The following MACO1 variants were observed in gnomAD, a reference collection of about 807,000 sequenced individuals.
The protein encoded by MACO1 is macoilin.
MACO1 carries 14 observed loss-of-function variants against 78.7 expected under a neutral mutation model. The ratio of observed to expected loss-of-function variants is 0.18; its 90% CI spans 0.12 to 0.28. The LOEUF is 0.28. Ranked by LOEUF, MACO1 falls within the 10% of genes least tolerant of loss-of-function variation. The pLI is 1.00. For synonymous variants in MACO1, 288 were observed against 291.6 expected, an observed-to-expected ratio of 0.99 and a Z score of 0.12; for missense variants, 501 against 799.0, an observed-to-expected ratio of 0.63 and a Z score of 4.50.
At chr1:25,480,924 AAAAAAATATATATAT>A (rs1267987338) in intron 6 of MACO1, among the ~76,000 whole-genome samples, 1 of 35,366 alleles carries the variant, frequency 2.8e-5, no homozygotes, top group African/African-American at 9.3e-5. Flanking sequence ...AAAAAAAAAA[AAAAAAATATATATAT>A]ATATATATAT....
intron 9 of MACO1, among the ~76,000 whole-genome samples, chr1:25,490,451 TATCA>T (rs2043475338): frequency 1.3e-5 from 2 of 152,196 alleles, no homozygotes; most frequent in African/African-American, 2.4e-5. Flanking sequence ...TAAATGAGAA[TATCA>T]ATCATGGTGA....
chr1:25,454,269 G>C lies in MACO1; in HGVS notation c.360G>C (p.Val120=). The C allele has an allele frequency of 6.3e-7, 1 of 1,593,936 alleles. No individual in the cohort carries two copies. Among genetic ancestry groups the C allele is most frequent in the South Asian group, 1.2e-5 (1 of 86,948 alleles). ...VQYVWHTERG[V]CLPTVSLWIL... The stretch of plus-strand genomic sequence containing the variant: ...GCTGCTTTCTCACAGAAAGGGGAGT[G>C]TGTTTGCCTACAGTGTCTCTCTGGA... The change falls in exon 4 of 11, where the codon GTG becomes GTC. Residue 120 remains valine, a synonymous_variant. Transcript: ENST00000374343.
chr1:25,480,659 G>A (rs2043363817), intron 6 of MACO1, among the ~76,000 whole-genome samples: 1 of 151,802 alleles, frequency 6.6e-6, no homozygotes, highest in South Asian at 2.1e-4. Context: ...GGGCACGGTG[G>A]CTCACACCTG....
chr1:25,497,552 G>C (rs946799379), intron 10 of MACO1, among the ~76,000 whole-genome samples: 2 of 152,186 alleles, frequency 1.3e-5, no homozygotes, highest in African/African-American at 4.8e-5. Flanking sequence ...GAGCTGACTG[G>C]ATCAAGAAAC....
At position 25,431,320 on chromosome 1, in the gene MACO1, G is replaced by A. The variant is rs977443059; in HGVS notation, c.80+142G>A. 2.3e-5 allele frequency: 9 copies of A among 383,958 alleles called. No individual in the cohort carries two copies. In the South Asian group the frequency reaches 8.3e-4, roughly 35 times the overall value. 23.8% of individuals were successfully genotyped at this position (383,958 alleles called of 1,614,324 possible). On this transcript the variant is annotated intron_variant, in intron 1 of 10. Coordinates refer to ENST00000374343, the MANE Select transcript of MACO1 (RefSeq NM_018202.6). Reference sequence around the variant, plus strand: ...CCTAAGGAGCGCTGGCCCCGGAGCCGCTGGCCCGCCCGCCGGGGTCCGCCC... The same window carrying A: ...CCTAAGGAGCGCTGGCCCCGGAGCCACTGGCCCGCCCGCCGGGGTCCGCCC...
intron 10 of MACO1, among the ~76,000 whole-genome samples, chr1:25,493,134 G>T (rs981609136): frequency 2.0e-5 from 3 of 152,192 alleles, no homozygotes; most frequent in Admixed American, 6.5e-5. Context: ...GTGAACTTTT[G>T]TCTTAGGGAC....
intron 6 of MACO1, among the ~76,000 whole-genome samples, chr1:25,476,462 A>G (rs1002829411): frequency 6.6e-6 from 1 of 152,256 alleles, no homozygotes; most frequent in Admixed American, 6.5e-5. Context: ...ACACTGAAGC[A>G]GGGTCATGTT....
chr1:25,434,787 C>T (rs1315557285), intron 1 of MACO1, among the ~76,000 whole-genome samples: 2 of 152,122 alleles, frequency 1.3e-5, no homozygotes, highest in Non-Finnish European at 2.9e-5. Flanking sequence ...GTTTTCTGGG[C>T]TGGGTTCTCT....
intron 9 of MACO1, 177 bp from the exon 10 acceptor site, chr1:25,491,233 T>C (rs1571991607): frequency 4.2e-6 from 1 of 236,814 alleles, no homozygotes; most frequent in East Asian, 1.8e-4. Context: ...AATATTTTTG[T>C]ATGTGCTTAT....
At chr1:25,456,346 C>T (rs769183516) in intron 4 of MACO1, among the ~76,000 whole-genome samples, 5 of 151,924 alleles carry the variant, frequency 3.3e-5, no homozygotes, top group Non-Finnish European at 5.9e-5. Flanking sequence ...CATTATTAGC[C>T]ACTGTATCTG....
At chr1:25,470,381 T>C (rs917496066) in intron 6 of MACO1, among the ~76,000 whole-genome samples, 1 of 152,170 alleles carries the variant, frequency 6.6e-6, no homozygotes, top group South Asian at 2.1e-4. Flanking sequence ...ATTCAGAGCA[T>C]GTAGCCCAAG....
Position 25,456,824 on chromosome 1 carries a change from C to G in MACO1, c.645C>G (p.Ala215=), listed in dbSNP as rs746627649. The change falls in exon 5 of 11, where the codon GCC becomes GCG. Residue 215 remains alanine, a synonymous_variant. Transcript: ENST00000374343. ...TGCTACAGAAGCAAGAAAAAGAGGC[C>G]GAGGAAGGTAGGTCTTTACCCTAAA... ...QQMLQKQEKE[A]EEAAKGLPDM... is the part of the protein sequence containing the mutation. The G allele has an allele frequency of 6.2e-7, 1 of 1,608,430 alleles. No homozygotes were observed. The highest frequency in any genetic ancestry group is 1.1e-5 in the South Asian group (1 of 90,406).
chr1:25,447,008 G>A (rs115212883), intron 2 of MACO1, 105 bp downstream of exon 2: 3 of 1,345,282 alleles, frequency 2.2e-6, no homozygotes, highest in Admixed American at 2.5e-5. Flanking sequence ...AGCTAATAGG[G>A]TCTGTTAACT....
At chr1:25,475,447 C>T (rs564651004) in intron 6 of MACO1, among the ~76,000 whole-genome samples, 5 of 151,426 alleles carry the variant, frequency 3.3e-5, no homozygotes, top group African/African-American at 9.7e-5. Context: ...CATGGTGGCT[C>T]ACGCCTGTAA....
At chr1:25,463,220 A>C (rs922503286) in intron 6 of MACO1, among the ~76,000 whole-genome samples, 2 of 152,210 alleles carry the variant, frequency 1.3e-5, no homozygotes, top group Admixed American at 6.5e-5. Context: ...TCAATGAATG[A>C]TATATGGTGA....
intron 1 of MACO1, among the ~76,000 whole-genome samples, chr1:25,443,223 AC>A (rs2124573305): frequency 6.6e-6 from 1 of 152,310 alleles, no homozygotes; most frequent in South Asian, 2.1e-4. Context: ...CTGTACATGT[AC>A]CTACAGAAGG....
At chr1:25,447,765 A>G (rs978098520) in intron 2 of MACO1, among the ~76,000 whole-genome samples, 5 of 152,172 alleles carry the variant, frequency 3.3e-5, no homozygotes, top group South Asian at 2.1e-4. Flanking sequence ...AGGGATCTCA[A>G]AGACACCCCA....
chr1:25,467,134 T>G (rs1036584925), intron 6 of MACO1, among the ~76,000 whole-genome samples: 9 of 152,138 alleles, frequency 5.9e-5, no homozygotes, highest in Admixed American at 1.3e-4. Context: ...GGCGCACACC[T>G]TTAACCCCAG....
chr1:25,441,806 AC>A (rs2042975253), intron 1 of MACO1, among the ~76,000 whole-genome samples: 1 of 152,172 alleles, frequency 6.6e-6, no homozygotes, highest in Non-Finnish European at 1.5e-5. Context: ...TTTTAATTGT[AC>A]TTAGGTAGGG....
Sources: gnomAD v4.1 joint callset for allele counts (sites outside exome capture counted in the v4.1 genomes callset) on GRCh38, gnomAD v4.1.1 for gene constraint, MANE v1.5 for transcripts, NCBI Gene and HGNC (gene_info 2026-07-23, HGNC 2026-07-21) for gene names.